IL1RAPL2: variants seen among roughly 807,000 people sequenced by gnomAD.
IL1RAPL2 encodes the protein X-linked interleukin-1 receptor accessory protein-like 2.
IL1RAPL2 carries 3 observed loss-of-function variants against 44.1 expected under a neutral mutation model. The ratio of observed to expected loss-of-function variants is 0.07; its 90% CI spans 0.03 to 0.18. The LOEUF (loss-of-function observed/expected upper bound fraction) is 0.18, where lower values mean the gene tolerates loss of function less well. Among genes scored for constraint, IL1RAPL2 ranks in the 10% least tolerant of loss-of-function variants. IL1RAPL2 has a pLI of 1.00. For synonymous variants in IL1RAPL2, 181 were observed against 178.8 expected (o/e 1.01, Z -0.10); for missense variants, 391 against 496.4 (o/e 0.79, Z 2.02).
chrX:104,664,321 G>A (rs1426897187), intron 2 of IL1RAPL2, among the ~76,000 whole-genome samples: 8 of 111,016 alleles, frequency 7.2e-5, no homozygotes, highest in Non-Finnish European at 1.5e-4. Context: ...GCTCCCCTCT[G>A]GGAAGCTCTC....
At chrX:104,798,722 C>T (rs1159200224) in intron 2 of IL1RAPL2, among the ~76,000 whole-genome samples, 1 of 111,015 alleles carries the variant, frequency 9.0e-6, no homozygotes, top group African/African-American at 3.3e-5. Flanking sequence ...AAGCCCATTT[C>T]CATCTTCTTT....
intron 7 of IL1RAPL2, among the ~76,000 whole-genome samples, chrX:105,727,584 T>C (rs1194707583): frequency 9.0e-6 from 1 of 111,501 alleles, no homozygotes; most frequent in East Asian, 2.8e-4. Flanking sequence ...CAGTTCAACA[T>C]CTTTATAAAA....
intron 2 of IL1RAPL2, among the ~76,000 whole-genome samples, chrX:104,893,675 G>C (rs541773296): frequency 1.8e-5 from 2 of 111,333 alleles, no homozygotes; most frequent in Middle Eastern, 4.6e-3. Context: ...TTGAGTCTAT[G>C]TGTGTTTCTG....
At chrX:105,716,559 C>T (rs779960789) in intron 6 of IL1RAPL2, among the ~76,000 whole-genome samples, 43 of 111,791 alleles carry the variant, frequency 3.8e-4, no homozygotes, top group African/African-American at 1.3e-3. Context: ...GCCACTCAGC[C>T]ACCAAACTCA....
chrX:105,696,506 T>A (rs1045601045), intron 6 of IL1RAPL2, among the ~76,000 whole-genome samples: 8 of 111,532 alleles, frequency 7.2e-5, no homozygotes, highest in Non-Finnish European at 1.3e-4. Flanking sequence ...ACAATGTGTT[T>A]ATTGACGATG....
rs768682431 is a variant in IL1RAPL2 at position 104,798,527 on chromosome X, G to A, written c.82+139532G>A. Among the ~76,000 whole-genome samples the A allele has an allele frequency of 1.2e-4, 13 of 110,078 alleles. No homozygotes were observed. The East Asian group carries it at 1.7e-3, about 15-fold the overall frequency. ...AAAAAAAAAAAAAAATTAGCCAGGC[G>A]TGGTGGCAGGTGCCTGTAGTCCCAG... On this transcript the variant is annotated intron_variant, in intron 2 of 10. Coordinates refer to ENST00000372582, the MANE Select transcript of IL1RAPL2 (RefSeq NM_017416.2).
chrX:104,916,946 T>C (rs2147688142), intron 2 of IL1RAPL2, among the ~76,000 whole-genome samples: 1 of 111,730 alleles, frequency 9.0e-6, no homozygotes, highest in South Asian at 3.8e-4. Flanking sequence ...ATAAGCTTTT[T>C]GATGTGCTGC....
chrX:105,025,773 T>C (rs181813634), intron 2 of IL1RAPL2, among the ~76,000 whole-genome samples: 2 of 111,555 alleles, frequency 1.8e-5, no homozygotes, highest in East Asian at 5.7e-4. Flanking sequence ...TTAACCATGA[T>C]ATTGTTTTAT....
At chrX:105,740,715 T>C in intron 8 of IL1RAPL2, 24 bp downstream of exon 8, 1 of 1,176,826 alleles carries the variant, frequency 8.5e-7, no homozygotes, top group Non-Finnish European at 1.2e-6. Context: ...TAACTATAAC[T>C]ATGGTTTGCT....
chrX:105,528,513 T>C (rs1214041941), intron 6 of IL1RAPL2, among the ~76,000 whole-genome samples: 2 of 111,882 alleles, frequency 1.8e-5, no homozygotes, highest in East Asian at 5.6e-4. Flanking sequence ...AACATTATTT[T>C]ATTTGGAAAA....
Position 104,607,817 on chromosome X carries a change from G to A in IL1RAPL2, c.-20+40766G>A, listed in dbSNP as rs759892584. On this transcript the variant is annotated intron_variant, in intron 1 of 10. Coordinates refer to ENST00000372582, the MANE Select transcript of IL1RAPL2 (RefSeq NM_017416.2). ...TAGTTCAACCATTGTGGAAGACAGT[G>A]TGGAAATTCCTCAAGGATCTAGAAC... is the stretch of plus-strand genomic sequence containing the variant. Among the ~76,000 whole-genome samples, 26 of 112,240 alleles carry A rather than the reference G, an allele frequency of 2.3e-4. No individual in the cohort carries two copies. In the South Asian group the frequency reaches 9.3e-3, roughly 40 times the overall value.
intron 6 of IL1RAPL2, among the ~76,000 whole-genome samples, chrX:105,655,502 C>T (rs770906117): frequency 4.2e-4 from 47 of 110,953 alleles, no homozygotes; most frequent in African/African-American, 1.5e-3. Context: ...ACTTGTTTGG[C>T]TGCAAAAATG....
At chrX:105,093,490 C>T (rs2032569587) in intron 2 of IL1RAPL2, among the ~76,000 whole-genome samples, 1 of 110,712 alleles carries the variant, frequency 9.0e-6, no homozygotes, top group Non-Finnish European at 1.9e-5. Flanking sequence ...GGAAAAATGA[C>T]AAGTAATAAC....
chrX:105,139,254 G>C (rs1193148634), intron 2 of IL1RAPL2, among the ~76,000 whole-genome samples: 3 of 111,861 alleles, frequency 2.7e-5, no homozygotes, highest in African/African-American at 9.7e-5. Context: ...CAAGTTTGTT[G>C]TTGTTGTCAC....
intron 2 of IL1RAPL2, among the ~76,000 whole-genome samples, chrX:104,901,236 ACTCTCGCT>A (rs1923808263): frequency 6.3e-5 from 4 of 63,609 alleles, no homozygotes; most frequent in African/African-American, 2.8e-4. Context: ...TTTGAGACGG[ACTCTCGCT>A]CTGTTGCTCA....
At chrX:104,808,419 C>T (rs1482646616) in intron 2 of IL1RAPL2, among the ~76,000 whole-genome samples, 1 of 111,723 alleles carries the variant, frequency 9.0e-6, no homozygotes, top group Non-Finnish European at 1.9e-5. Flanking sequence ...TGGAAGGCCA[C>T]TTGAATGGCA....
intron 2 of IL1RAPL2, among the ~76,000 whole-genome samples, chrX:105,182,269 C>G (rs782265418): frequency 1.8e-5 from 2 of 110,668 alleles, no homozygotes; most frequent in South Asian, 3.9e-4. Flanking sequence ...GAGTCTATCT[C>G]TTCCTTTAGA....
chrX:105,360,411 G>A (rs1041453281), intron 5 of IL1RAPL2, among the ~76,000 whole-genome samples: 1 of 111,443 alleles, frequency 9.0e-6, no homozygotes, highest in Non-Finnish European at 1.9e-5. Context: ...TGAAAAAAAG[G>A]CAAAGTCCTG....
intron 2 of IL1RAPL2, among the ~76,000 whole-genome samples, chrX:104,835,867 T>C (rs1465475528): frequency 8.9e-6 from 1 of 112,031 alleles, no homozygotes; most frequent in African/African-American, 3.2e-5. Flanking sequence ...GATCTCGTCT[T>C]CTACAGCCAG....
Sources: gnomAD v4.1 joint callset for allele counts (sites outside exome capture counted in the v4.1 genomes callset) on GRCh38, gnomAD v4.1.1 for gene constraint, MANE v1.5 for transcripts, NCBI Gene and HGNC (gene_info 2026-07-23, HGNC 2026-07-21) for gene names.